ST7: variants seen among roughly 807,000 people sequenced by gnomAD.
The protein encoded by ST7 is suppression of tumorigenicity 7.
A neutral mutation model predicts 78.7 loss-of-function variants in ST7; 28 were observed. The ratio of observed to expected loss-of-function variants is 0.36; its 90% CI spans 0.26 to 0.49. ST7 has a LOEUF of 0.49. Among genes scored for constraint, ST7 ranks in the 20% least tolerant of loss-of-function variants. The probability of loss-of-function intolerance (pLI) is 0.99; values close to 1 mark genes in which losing one functional copy is unlikely to be tolerated. For synonymous variants in ST7, 247 were observed against 249.6 expected (o/e 0.99, Z 0.10); for missense variants, 418 against 696.0 (o/e 0.60, Z 4.49).
intron 1 of ST7, among the ~76,000 whole-genome samples, chr7:117,057,193 A>C (rs1425278838): frequency 6.6e-6 from 1 of 152,162 alleles, no homozygotes; most frequent in African/African-American, 2.4e-5. Context: ...TTAGAGCTGT[A>C]TTTCATTACC....
At chr7:117,191,665 C>A (rs1486251601) in intron 12 of ST7, 1 of 152,176 alleles carries the variant, frequency 6.6e-6, no homozygotes, top group Non-Finnish European at 1.5e-5. Flanking sequence ...TAATTATCAT[C>A]TTCTCTGAGG....
chr7:117,222,992 C>T (rs1266446886), intron 15 of ST7: 3 of 1,571,342 alleles, frequency 1.9e-6, no homozygotes, highest in Non-Finnish European at 2.6e-6. Context: ...CTCATCACCC[C>T]TCTTCCCCCA....
At chr7:116,992,021 G>C (rs946500330) in intron 1 of ST7, among the ~76,000 whole-genome samples, 1 of 152,198 alleles carries the variant, frequency 6.6e-6, no homozygotes, top group South Asian at 2.1e-4. Context: ...GATGCAAGAG[G>C]TGGGTTCCCA....
chr7:117,004,595 A>C (rs756557514), intron 1 of ST7, among the ~76,000 whole-genome samples: 41 of 152,122 alleles, frequency 2.7e-4, no homozygotes, highest in Non-Finnish European at 8.8e-5. Context: ...CGGGAGGCGG[A>C]GGTTGCAGTG....
chr7:117,179,121 C>T (rs756160661), intron 10 of ST7, among the ~76,000 whole-genome samples: 5 of 152,178 alleles, frequency 3.3e-5, no homozygotes, highest in Non-Finnish European at 7.3e-5. Flanking sequence ...TCTGCTGGAA[C>T]TGTAAGCAAA....
intron 1 of ST7, among the ~76,000 whole-genome samples, chr7:117,056,524 A>T (rs1798071918): frequency 6.6e-6 from 1 of 152,100 alleles, no homozygotes; most frequent in Non-Finnish European, 1.5e-5. Flanking sequence ...AATCACAGCT[A>T]CTCGGGAGCC....
intron 1 of ST7, chr7:117,020,488 C>T: frequency 8.2e-7 from 1 of 1,223,596 alleles, no homozygotes; most frequent in South Asian, 1.5e-5. Flanking sequence ...GGCTTCATGA[C>T]CCCTGCTGTG....
At chr7:117,197,014 G>C (rs71564587) in intron 12 of ST7, among the ~76,000 whole-genome samples, 1 of 152,046 alleles carries the variant, frequency 6.6e-6, no homozygotes, top group Non-Finnish European at 1.5e-5. Context: ...TTGTTGAAGA[G>C]AATTATCTAC....
chr7:117,173,331 G>A (rs944066568), intron 10 of ST7: 1 of 152,212 alleles, frequency 6.6e-6, no homozygotes, highest in South Asian at 2.1e-4. Flanking sequence ...AATTCTGAAG[G>A]GAGTTTTGGT....
At chr7:116,988,266 G>A (rs1017866299) in intron 1 of ST7, among the ~76,000 whole-genome samples, 2 of 152,166 alleles carry the variant, frequency 1.3e-5, no homozygotes, top group Admixed American at 1.3e-4. Context: ...GAGTGTTTAC[G>A]TGGATCTCTT....
At chr7:116,961,841 T>C (rs990300755) in intron 1 of ST7, among the ~76,000 whole-genome samples, 2 of 151,876 alleles carry the variant, frequency 1.3e-5, no homozygotes, top group South Asian at 2.1e-4. Flanking sequence ...TAGGTATACG[T>C]GTGCCATGGT....
chr7:116,972,909 C>T (rs1261555871), intron 1 of ST7: 12 of 1,329,998 alleles, frequency 9.0e-6, no homozygotes, highest in Non-Finnish European at 1.3e-5. Flanking sequence ...TGATCCCAGC[C>T]ATGGTGCCCA....
In ST7 at chr7:116,989,350, A is replaced by G. The variant is rs1237988092; in HGVS notation, c.151+35659A>G. Among the ~76,000 whole-genome samples the G allele has an allele frequency of 6.6e-5, 10 of 152,004 alleles. 1 individual carries two copies. Among genetic ancestry groups the G allele is most frequent in the Admixed American group, 6.6e-4 (10 of 15,254 alleles). ...CACAGCTGTGGAGCTCACCTTTTTC[A>G]CTAGGCTGCATCCTGGAGATTTAGG... On this transcript the variant is annotated intron_variant, in intron 1 of 15. Coordinates refer to ENST00000323984, the MANE Select transcript of ST7 (RefSeq NM_001369598.1).
intron 15 of ST7, among the ~76,000 whole-genome samples, chr7:117,225,121 A>C (rs1384541544): frequency 1.3e-5 from 2 of 152,136 alleles, no homozygotes; most frequent in Non-Finnish European, 1.5e-5. Flanking sequence ...AGAGGGAAGG[A>C]TAGTGACTAG....
chr7:117,115,383 C>T (rs1443153666), intron 2 of ST7, among the ~76,000 whole-genome samples: 5 of 141,146 alleles, frequency 3.5e-5, no homozygotes, highest in Non-Finnish European at 7.6e-5. Context: ...GAGACACAGT[C>T]TAACTCTGTC....
chr7:117,063,340 GC>G, intron 1 of ST7, among the ~76,000 whole-genome samples: 1 of 152,130 alleles, frequency 6.6e-6, no homozygotes, highest in East Asian at 1.9e-4. Flanking sequence ...CAATGATAAA[GC>G]TTTTGTTTCT....
chr7:117,003,200 G>A (rs1265464404), intron 1 of ST7, among the ~76,000 whole-genome samples: 1 of 152,034 alleles, frequency 6.6e-6, no homozygotes, highest in Non-Finnish European at 1.5e-5. Flanking sequence ...GCCCAGGCTA[G>A]AGTGCAGTGT....
At chr7:117,186,154 G>T (rs1276719804) in intron 10 of ST7, among the ~76,000 whole-genome samples, 1 of 152,058 alleles carries the variant, frequency 6.6e-6, no homozygotes, top group Non-Finnish European at 1.5e-5. Context: ...ATTCATTCTT[G>T]CTGTAGATCT....
chr7:117,115,511 C>G (rs577718388), intron 2 of ST7, among the ~76,000 whole-genome samples: 1 of 151,392 alleles, frequency 6.6e-6, no homozygotes, highest in Non-Finnish European at 1.5e-5. Flanking sequence ...CCCACCACCA[C>G]GCCTGGCTAA....
Sources: gnomAD v4.1 joint callset for allele counts (sites outside exome capture counted in the v4.1 genomes callset) on GRCh38, gnomAD v4.1.1 for gene constraint, MANE v1.5 for transcripts, NCBI Gene and HGNC (gene_info 2026-07-23, HGNC 2026-07-21) for gene names.